Variants in C8orf74 observed in about 807,000 individuals in gnomAD.
The protein encoded by C8orf74 is chromosome 8 open reading frame 74.
Under a neutral mutation model 22.2 loss-of-function variants are expected in C8orf74, and 29 were observed. The ratio of observed to expected loss-of-function variants is 1.31; its 90% confidence interval spans 0.97 to 1.78. The LOEUF is 1.78. Ranked by LOEUF, C8orf74 falls within the 40% of genes most tolerant of loss-of-function variation. The pLI, the probability that C8orf74 is intolerant of heterozygous loss-of-function variation, is 0.00. For missense variants in C8orf74, 515 were observed against 369.9 expected, an observed-to-expected ratio of 1.39 and a Z score of -3.22; for synonymous variants, 255 against 163.1, an observed-to-expected ratio of 1.56 and a Z score of -4.30.
chr8:10,675,199 T>G (rs1799007270), intron 2 of C8orf74, among the ~76,000 whole-genome samples: 2 of 152,252 alleles, frequency 1.3e-5, no homozygotes, highest in Non-Finnish European at 2.9e-5. Flanking sequence ...TGCACGTTGT[T>G]CCTGGTAGGA....
At chr8:10,688,662 C>T (rs753257013) in intron 2 of C8orf74, 1 of 152,340 alleles carries the variant, frequency 6.6e-6, no homozygotes, top group Non-Finnish European at 1.5e-5. Flanking sequence ...TGATGCATCT[C>T]CAGCCAGCGT....
intron 2 of C8orf74, among the ~76,000 whole-genome samples, chr8:10,693,589 G>C (rs953008246): frequency 6.6e-6 from 1 of 152,180 alleles, no homozygotes. Flanking sequence ...AATGCTGGGG[G>C]CTGAGAATAC....
chr8:10,685,089 T>C (rs1391546070), intron 2 of C8orf74, among the ~76,000 whole-genome samples: 1 of 152,210 alleles, frequency 6.6e-6, no homozygotes, highest in Non-Finnish European at 1.5e-5. Flanking sequence ...GAACTATTTA[T>C]TTCCGGAGAT....
chr8:10,692,745 A>T (rs1408654880), intron 2 of C8orf74: 6 of 151,420 alleles, frequency 4.0e-5, no homozygotes, highest in African/African-American at 1.5e-4. Context: ...CTCAAGGGAT[A>T]CCCCTGCCAT....
At chr8:10,690,393 G>A (rs542275011) in intron 2 of C8orf74, among the ~76,000 whole-genome samples, 10 of 152,250 alleles carry the variant, frequency 6.6e-5, no homozygotes, top group African/African-American at 2.4e-4. Flanking sequence ...CTCCCCAGGA[G>A]CACAAAGGGG....
At chr8:10,686,854 C>T (rs1386346342) in intron 2 of C8orf74, among the ~76,000 whole-genome samples, 1 of 152,134 alleles carries the variant, frequency 6.6e-6, no homozygotes, top group African/African-American at 2.4e-5. Context: ...TATTCCCCTA[C>T]CCATAACTGG....
intron 2 of C8orf74, among the ~76,000 whole-genome samples, chr8:10,678,492 G>C (rs759375946): frequency 6.6e-6 from 1 of 151,786 alleles, no homozygotes; most frequent in Non-Finnish European, 1.5e-5. Context: ...AGGCCCAGTA[G>C]ACACGTGCCA....
rs78132266 is a variant in C8orf74 at position 10,690,712 on chromosome 8, C to T, written c.242-6887C>T. Among the ~76,000 whole-genome samples, 1,335 of 152,248 alleles carry T rather than the reference C, an allele frequency of 8.8e-3. 24 individuals are homozygous for T. The highest frequency in any genetic ancestry group is 0.031 in the African/African-American group (1,276 of 41,556). Reference sequence around the variant, plus strand: ...CCCCCGGCTCGCCCAGCCCAGACTCCGGGTATGAGGGCCCAAGGAAGCCAC... The same window carrying T: ...CCCCCGGCTCGCCCAGCCCAGACTCTGGGTATGAGGGCCCAAGGAAGCCAC... On this transcript the variant is annotated intron_variant, in intron 2 of 3. Coordinates refer to ENST00000304519, the MANE Select transcript of C8orf74 (RefSeq NM_001040032.2).
intron 2 of C8orf74, chr8:10,688,852 G>A (rs568357228): frequency 6.6e-6 from 1 of 152,372 alleles, no homozygotes; most frequent in South Asian, 2.1e-4. Flanking sequence ...AGTAGGAGGT[G>A]GGAAGATCAA....
At chr8:10,677,931 G>A (rs1424236819) in intron 2 of C8orf74, among the ~76,000 whole-genome samples, 1 of 152,176 alleles carries the variant, frequency 6.6e-6, no homozygotes, top group Non-Finnish European at 1.5e-5. Flanking sequence ...GGATCTCACA[G>A]TCACCCCCAC....
intron 2 of C8orf74, among the ~76,000 whole-genome samples, chr8:10,694,114 C>A (rs1048186570): frequency 6.6e-6 from 1 of 152,160 alleles, no homozygotes; most frequent in African/African-American, 2.4e-5. Context: ...GGTCCTGAAG[C>A]CCATGCTGTT....
At chr8:10,688,041 C>T (rs1024072675) in intron 2 of C8orf74, among the ~76,000 whole-genome samples, 2 of 151,934 alleles carry the variant, frequency 1.3e-5, no homozygotes, top group African/African-American at 4.8e-5. Context: ...TCTGTGTCTA[C>T]TAAAAATACA....
chr8:10,681,373 G>A (rs1358785975), intron 2 of C8orf74, among the ~76,000 whole-genome samples: 3 of 152,196 alleles, frequency 2.0e-5, no homozygotes, highest in Non-Finnish European at 4.4e-5. Context: ...TGGCACAGAG[G>A]GGCGGGAGTC....
At chr8:10,690,409 G>A (rs1799351627) in intron 2 of C8orf74, among the ~76,000 whole-genome samples, 1 of 152,134 alleles carries the variant, frequency 6.6e-6, no homozygotes, top group African/African-American at 2.4e-5. Context: ...AGGGGGCAGG[G>A]GGCAATGCGG....
At chr8:10,675,854 T>C (rs1799021718) in intron 2 of C8orf74, 1 of 152,176 alleles carries the variant, frequency 6.6e-6, no homozygotes, top group Admixed American at 6.5e-5. Flanking sequence ...GATAAACCTT[T>C]CCAAACTGAA....
At chr8:10,686,609 G>C (rs1799267231) in intron 2 of C8orf74, 1 of 154,738 alleles carries the variant, frequency 6.5e-6, no homozygotes, top group African/African-American at 2.4e-5. Context: ...ATCTTGTCTA[G>C]TCTTAGAAGC....
chr8:10,696,192 C>A (rs1189273860), intron 2 of C8orf74, among the ~76,000 whole-genome samples: 3 of 151,948 alleles, frequency 2.0e-5, no homozygotes, highest in Non-Finnish European at 4.4e-5. Flanking sequence ...CTGCCTCTGA[C>A]CACTGTGCTG....
chr8:10,684,913 G>A (rs777898233), intron 2 of C8orf74, among the ~76,000 whole-genome samples: 60 of 152,126 alleles, frequency 3.9e-4, no homozygotes, highest in Non-Finnish European at 6.2e-4. Context: ...GAGATACGTC[G>A]ACGGCCCATC....
chr8:10,697,596 C>T lies in C8orf74; in HGVS notation c.242-3C>T, dbSNP rs769140141. The stretch of plus-strand genomic sequence containing the variant: ...ACTCTGTTCTTGGCCCCTGTGCCTA[C>T]AGGCTGCTCCATTACTGAGGCTGTG... On this transcript the variant is annotated splice_region_variant and splice_polypyrimidine_tract_variant and intron_variant, in intron 2 of 3. Coordinates refer to ENST00000304519, the MANE Select transcript of C8orf74 (RefSeq NM_001040032.2). The T allele has an allele frequency of 6.2e-6, 10 of 1,611,978 alleles. No homozygotes were observed. Among genetic ancestry groups the T allele is most frequent in the Non-Finnish European group, 7.6e-6 (9 of 1,178,786 alleles).
Sources: gnomAD v4.1 joint callset for allele counts (sites outside exome capture counted in the v4.1 genomes callset) on GRCh38, gnomAD v4.1.1 for gene constraint, MANE v1.5 for transcripts, NCBI Gene and HGNC (gene_info 2026-07-23, HGNC 2026-07-21) for gene names.